PRUNE2: variants seen among roughly 807,000 people sequenced by gnomAD.
PRUNE2 encodes the protein protein prune homolog 2.
PRUNE2 carries 164 observed loss-of-function variants against 252.0 expected under a neutral mutation model. That is an observed-to-expected ratio of 0.65 (90% CI 0.57 to 0.74). The LOEUF (loss-of-function observed/expected upper bound fraction) is 0.74, where lower values mean the gene tolerates loss of function less well. Ranked by LOEUF, PRUNE2 falls within the 30% of genes least tolerant of loss-of-function variation. The pLI, the probability that PRUNE2 is intolerant of heterozygous loss-of-function variation, is 0.00. For missense variants in PRUNE2, 3,495 were observed against 3,711.0 expected, an observed-to-expected ratio of 0.94 and a Z score of 1.51; for synonymous variants, 1,292 against 1,350.2, an observed-to-expected ratio of 0.96 and a Z score of 0.94.
At chr9:76,766,640 C>T (rs990827315) in intron 6 of PRUNE2, among the ~76,000 whole-genome samples, 7 of 152,104 alleles carry the variant, frequency 4.6e-5, no homozygotes, top group African/African-American at 1.4e-4. Flanking sequence ...TTTCATCCTG[C>T]GCCACTTCCC....
chr9:76,849,440 C>T (rs1279507123), intron 3 of PRUNE2, among the ~76,000 whole-genome samples: 2 of 149,140 alleles, frequency 1.3e-5, no homozygotes. Flanking sequence ...CAGTTTTATC[C>T]AGTGTTTAAT....
intron 9 of PRUNE2, among the ~76,000 whole-genome samples, chr9:76,675,204 A>C (rs1451969126): frequency 1.4e-5 from 1 of 69,938 alleles, no homozygotes; most frequent in Non-Finnish European, 3.6e-5. Context: ...CAATGAACTC[A>C]AACAAATTTA....
chr9:76,829,670 G>C (rs987878933), intron 4 of PRUNE2, among the ~76,000 whole-genome samples: 2 of 151,934 alleles, frequency 1.3e-5, no homozygotes, highest in Non-Finnish European at 2.9e-5. Context: ...CTAGGGAGAA[G>C]GGTGAAGCAA....
chr9:76,696,127 C>A (rs2045359188), intron 9 of PRUNE2, among the ~76,000 whole-genome samples: 1 of 152,172 alleles, frequency 6.6e-6, no homozygotes, highest in South Asian at 2.1e-4. Context: ...AGCAAGTATT[C>A]CCTGCTGGTT....
At chr9:76,750,165 T>G (rs1336153467) in intron 6 of PRUNE2, among the ~76,000 whole-genome samples, 3 of 152,090 alleles carry the variant, frequency 2.0e-5, no homozygotes, top group East Asian at 3.8e-4. Flanking sequence ...CTATTATATA[T>G]TAGTAATAAA....
intron 1 of PRUNE2, among the ~76,000 whole-genome samples, chr9:76,861,229 T>G: frequency 6.6e-6 from 1 of 152,096 alleles, no homozygotes; most frequent in East Asian, 1.9e-4. Context: ...TCTTTGCTGG[T>G]TTGGTAAATA....
At chr9:76,659,903 A>G (rs1009559389) in intron 9 of PRUNE2, among the ~76,000 whole-genome samples, 1 of 151,096 alleles carries the variant, frequency 6.6e-6, no homozygotes. Context: ...ATAAAATAAT[A>G]CTATTAAATT....
intron 4 of PRUNE2, among the ~76,000 whole-genome samples, chr9:76,838,022 C>T (rs552973696): frequency 5.9e-5 from 9 of 152,074 alleles, no homozygotes; most frequent in Admixed American, 3.9e-4. Flanking sequence ...CTGCCCGCCT[C>T]AGCCTCCCAA....
chr9:76,619,846 C>T (rs1831363338), intron 17 of PRUNE2, among the ~76,000 whole-genome samples: 1 of 152,192 alleles, frequency 6.6e-6, no homozygotes, highest in Non-Finnish European at 1.5e-5. Flanking sequence ...AGCGTCAGCT[C>T]TCCTCATTGT....
intron 1 of PRUNE2, among the ~76,000 whole-genome samples, chr9:76,899,832 C>G (rs1370956898): frequency 6.6e-6 from 1 of 152,110 alleles, no homozygotes; most frequent in Non-Finnish European, 1.5e-5. Context: ...CTTTGTCTAA[C>G]CTAAGAGGCA....
At chr9:76,739,281 A>T (rs2049357482) in intron 6 of PRUNE2, 2 of 152,330 alleles carry the variant, frequency 1.3e-5, no homozygotes, top group Non-Finnish European at 1.5e-5. Context: ...TACCAGCTGT[A>T]GCCCATGCAG....
chr9:76,637,743 C>T (rs1356156471), intron 13 of PRUNE2, among the ~76,000 whole-genome samples, 194 bp from the exon 14 acceptor site: 1 of 152,130 alleles, frequency 6.6e-6, no homozygotes, highest in Non-Finnish European at 1.5e-5. Context: ...GGCTATCTAT[C>T]TTTTAAATGG....
rs903065498 is a variant in PRUNE2, at chr9:76,625,109, A to G, written c.9150-619T>C. ...TAAGGAAAATGAGCAAACAGATGGG[A>G]AAAATGACAAGTAAATGATTTAAAT... On this transcript the variant is annotated intron_variant, in intron 16 of 18. Transcript: ENST00000376718. 1.2e-5 allele frequency: 14 copies of G among 1,194,490 alleles called. No homozygotes were observed. The African/African-American group carries it at 1.4e-4, about 12-fold the overall frequency. The allele number at this position is 1,194,490 out of a possible 1,614,324, so 74.0% of individuals were successfully genotyped here.
intron 6 of PRUNE2, among the ~76,000 whole-genome samples, chr9:76,807,020 A>ATGTGTGTGTGTGTGTGTGTGTGTGTG (rs1554779764): frequency 1.4e-5 from 2 of 140,402 alleles, no homozygotes; most frequent in African/African-American, 5.4e-5. Context: ...ACCTCATACA[A>ATGTGTGTGTGTGTGTGTGTGTGTGTG]TGTGTGTGTG....
chr9:76,883,129 C>A (rs970747740), intron 1 of PRUNE2, among the ~76,000 whole-genome samples: 41 of 152,138 alleles, frequency 2.7e-4, no homozygotes, highest in African/African-American at 9.2e-4. Flanking sequence ...GGCCATAGAT[C>A]CCCTGTATTA....
In PRUNE2 at chr9:76,705,073, G is replaced by C; in HGVS notation, c.7201C>G (p.Leu2401Val). 6.2e-7 allele frequency: 1 copy of C among 1,614,030 alleles called. No individual in the cohort carries two copies. Among genetic ancestry groups the C allele is most frequent in the Non-Finnish European group, 8.5e-7 (1 of 1,179,904 alleles). The part of the protein sequence containing the change: ...PYTPPFDLSY[L>V]TEPAQSAETI... ...TCAGCACTCTGGGCAGGTTCTGTGA[G>C]ATAAGACAAATCAAAGGGAGGTGTG... is the stretch of plus-strand genomic sequence containing the variant. Residue 2401 changes from leucine to valine, a missense_variant, in exon 8 of 19, where the codon CTC (leucine) becomes GTC (valine). Coordinates refer to ENST00000376718, the MANE Select transcript of PRUNE2 (RefSeq NM_015225.3).
intron 18 of PRUNE2, among the ~76,000 whole-genome samples, chr9:76,617,305 T>C (rs1433883472): frequency 1.3e-5 from 2 of 152,198 alleles, no homozygotes; most frequent in African/African-American, 2.4e-5. Flanking sequence ...ACACACTCCA[T>C]CTTATTCTTG....
chr9:76,840,072 A>G (rs1044904676), intron 4 of PRUNE2, among the ~76,000 whole-genome samples: 4 of 152,212 alleles, frequency 2.6e-5, no homozygotes, highest in African/African-American at 4.8e-5. Context: ...TTCTAAAAAG[A>G]GGTCACAGTT....
chr9:76,809,779 A>G (rs2057231596), intron 6 of PRUNE2, among the ~76,000 whole-genome samples: 2 of 152,214 alleles, frequency 1.3e-5, no homozygotes. Context: ...CCATAAATTC[A>G]TACATATAAA....
Sources: allele counts gnomAD v4.1 joint callset (sites outside exome capture counted in the v4.1 genomes callset), GRCh38; gene constraint gnomAD v4.1.1; transcripts MANE v1.5; gene names NCBI Gene and HGNC (gene_info 2026-07-23, HGNC 2026-07-21).